Variants in SLC12A7 observed in about 807,000 individuals in gnomAD.
SLC12A7 encodes solute carrier family 12 member 7.
In SLC12A7, 100 loss-of-function variants were observed where a neutral mutation model predicts 120.6. The observed-to-expected ratio is 0.83, with a 90% CI of 0.71 to 0.98. SLC12A7 has a LOEUF of 0.98. SLC12A7 is among the 50% of genes least tolerant of loss of function. SLC12A7 has a pLI of 0.00. For missense variants in SLC12A7, 1,373 were observed against 1,548.1 expected (o/e 0.89, Z 1.90); for synonymous variants, 760 against 678.0 (o/e 1.12, Z -1.88).
At chr5:1,052,688 C>T (rs958143930) in intron 23 of SLC12A7, among the ~76,000 whole-genome samples, 8 of 152,030 alleles carry the variant, frequency 5.3e-5, no homozygotes, top group Non-Finnish European at 8.8e-5. Context: ...ACAGGGAGGA[C>T]GAGCAGAGAC....
intron 17 of SLC12A7, among the ~76,000 whole-genome samples, chr5:1,069,916 C>G (rs753972181): frequency 6.6e-6 from 1 of 152,088 alleles, no homozygotes; most frequent in African/African-American, 2.4e-5. Flanking sequence ...GCTACACGCC[C>G]GGGGCACTCA....
At chr5:1,133,900 T>TG in the SLC12A7 span, among the ~76,000 whole-genome samples, 1 of 151,816 alleles carries the variant, frequency 6.6e-6, no homozygotes, top group African/African-American at 2.4e-5. Flanking sequence ...CAGCTGGAGG[T>TG]GGGGGTGGGC....
intron 1 of SLC12A7, among the ~76,000 whole-genome samples, chr5:1,107,156 T>C (rs1237266295): frequency 6.6e-6 from 1 of 152,226 alleles, no homozygotes; most frequent in African/African-American, 2.4e-5. Context: ...CTTCCCCTAA[T>C]ACTCACGCTT....
At chr5:1,052,582 A>AAG (rs752472362) in intron 23 of SLC12A7, 131 bp from the exon 24 acceptor site, 24 of 744,302 alleles carry the variant, frequency 3.2e-5, no homozygotes, top group Non-Finnish European at 4.8e-5. Context: ...CCAAGGTGAA[A>AAG]AGAGAGGTGG....
rs370300808 is a variant in SLC12A7 at position 1,088,445 on chromosome 5, C to T, written c.490-85G>A. The T allele has an allele frequency of 8.2e-5, 116 of 1,411,968 alleles. No individual in the cohort carries two copies. In the African/African-American group the frequency reaches 1.3e-3, roughly 16 times the overall value. 87.5% of individuals were successfully genotyped at this position (1,411,968 alleles called of 1,614,324 possible). On this transcript the variant is annotated intron_variant, in intron 4 of 23. Transcript: ENST00000264930. ...CACTCCCAAGTCAGGGTCTATGACC[C>T]GGCTCCCGCCGAATGCCAGCCCCCA...
chr5:1,062,485 T>G (rs905252897), intron 20 of SLC12A7, among the ~76,000 whole-genome samples: 10 of 152,172 alleles, frequency 6.6e-5, no homozygotes, highest in Non-Finnish European at 1.3e-4. Flanking sequence ...CACGCAGGCC[T>G]GCAGCCCTCG....
chr5:1,084,615 G>T (rs948947655), intron 7 of SLC12A7, among the ~76,000 whole-genome samples: 5 of 152,240 alleles, frequency 3.3e-5, no homozygotes, highest in Non-Finnish European at 7.3e-5. Context: ...GGGCAGCTGT[G>T]CTTCCCTAAA....
chr5:1,089,851 C>T (rs973656499), intron 3 of SLC12A7, among the ~76,000 whole-genome samples: 4 of 152,064 alleles, frequency 2.6e-5, no homozygotes, highest in African/African-American at 9.7e-5. Context: ...CAGCTCCACT[C>T]GGGACGGGCC....
chr5:1,073,462 C>T (rs1349872410), intron 17 of SLC12A7, among the ~76,000 whole-genome samples, 171 bp downstream of exon 17: 2 of 152,242 alleles, frequency 1.3e-5, no homozygotes, highest in African/African-American at 4.8e-5. Flanking sequence ...GCGGCTGGTG[C>T]TCCCAGGCCT....
At chr5:1,057,738 A>G (rs1192874628) in intron 21 of SLC12A7, 89 bp from the exon 22 acceptor site, 7 of 1,311,526 alleles carry the variant, frequency 5.3e-6, no homozygotes, top group Non-Finnish European at 7.3e-6. Context: ...AGGTGAGGGC[A>G]GCTCACAGAA....
At position 1,051,140 on chromosome 5, in the gene SLC12A7, T is replaced by G; in HGVS notation, c.*1220A>C. 2 of 392,476 alleles carry G rather than the reference T, an allele frequency of 5.1e-6. No homozygotes were observed. The highest frequency in any genetic ancestry group is 4.4e-5 in the Admixed American group (1 of 22,494). The allele number at this position is 392,476 out of a possible 1,614,324, so 24.3% of individuals were successfully genotyped here. On this transcript the variant is annotated 3_prime_UTR_variant, in exon 24 of 24. Transcript: ENST00000264930. ...TGACCACAACCTACAAAGCAGAAAC[T>G]CACAGCCAGCCGAAGTGCAAAGTGT...
At chr5:1,103,145 G>A (rs1232245461) in intron 1 of SLC12A7, among the ~76,000 whole-genome samples, 1 of 152,178 alleles carries the variant, frequency 6.6e-6, no homozygotes, top group Admixed American at 6.5e-5. Context: ...CCAGTGTTCA[G>A]GCTGGGACAC....
the SLC12A7 span, among the ~76,000 whole-genome samples, chr5:1,133,627 C>T: frequency 2.6e-5 from 4 of 152,200 alleles, no homozygotes; most frequent in Non-Finnish European, 5.9e-5. Context: ...GCTTGCTGGC[C>T]GGCATGCTTG....
At chr5:1,069,043 C>T (rs562259637) in intron 17 of SLC12A7, among the ~76,000 whole-genome samples, 66 of 152,358 alleles carry the variant, frequency 4.3e-4, no homozygotes, top group African/African-American at 1.3e-3. Context: ...AACATCCCCC[C>T]GAAAACCACG....
In SLC12A7 at chr5:1,077,991, G is replaced by T. The variant is rs776217622; in HGVS notation, c.1471C>A (p.Gln491Lys). Residue 491 changes from glutamine (Q) to lysine (K), a missense_variant, in exon 12 of 24, where the codon CAG (glutamine) becomes AAG (lysine). Gln to Lys is a moderately conservative substitution (Grantham distance 53). Coordinates refer to ENST00000264930, the MANE Select transcript of SLC12A7 (RefSeq NM_006598.3). ...AGCATGCCGATGACCAGGTTCCCCT[G>T]CAGGGCCTCCCCGAACCTGCAGGCA... Reference protein sequence around the residue: ...VLRDKFGEALQGNLVIGMLAW... With the variant: ...VLRDKFGEALKGNLVIGMLAW... The T allele has an allele frequency of 3.2e-6, 5 of 1,578,346 alleles. No individual in the cohort carries two copies. Among genetic ancestry groups the T allele is most frequent in the Non-Finnish European group, 3.4e-6 (4 of 1,163,224 alleles).
Position 1,079,436 on chromosome 5 carries a change from G to A in SLC12A7, c.1358C>T (p.Thr453Met), listed in dbSNP as rs372698401. 2.0e-5 allele frequency: 32 copies of A among 1,612,624 alleles called. No individual in the cohort carries two copies. Among genetic ancestry groups the A allele is most frequent in the African/African-American group, 2.7e-5 (2 of 74,928 alleles). Residue 453 changes from threonine to methionine, a missense_variant, in exon 10 of 24, where the codon ACG (threonine) becomes ATG (methionine). Physicochemically the swap from Thr to Met is moderately conservative, Grantham distance 81 (BLOSUM62 -1). Coordinates refer to ENST00000264930, the MANE Select transcript of SLC12A7 (RefSeq NM_006598.3). ...CGTCACTATGGCCAGGATGGTCCCC[G>A]TGGGGATGGACTTCTGTGCATCCTT... is the stretch of plus-strand genomic sequence containing the variant. ...DLKDAQKSIP[T>M]GTILAIVTTS...
At chr5:1,089,181 G>C in intron 3 of SLC12A7, 53 bp from the exon 4 acceptor site, 2 of 1,583,772 alleles carry the variant, frequency 1.3e-6, no homozygotes. Context: ...CCCAGAGGGA[G>C]CCCCCTCCCC....
intron 10 of SLC12A7, 70 bp from the exon 11 acceptor site, chr5:1,078,828 T>TGGGGG (rs1738664785): frequency 1.6e-4 from 5 of 31,788 alleles, no homozygotes; most frequent in Non-Finnish European, 2.2e-4. Context: ...TGGGGTGGGG[T>TGGGGG]GGGGTGGGGT....
At chr5:1,085,070 TA>T (rs2150859664) in intron 7 of SLC12A7, among the ~76,000 whole-genome samples, 161 bp downstream of exon 7, 1 of 152,296 alleles carries the variant, frequency 6.6e-6, no homozygotes, top group Non-Finnish European at 1.5e-5. Context: ...GGGTTTCCTG[TA>T]ATCCCCAGAA....
Sources: gnomAD v4.1 joint callset for allele counts (sites outside exome capture counted in the v4.1 genomes callset) on GRCh38, gnomAD v4.1.1 for gene constraint, MANE v1.5 for transcripts, NCBI Gene and HGNC (gene_info 2026-07-23, HGNC 2026-07-21) for gene names.